Variants in FIGN observed in about 807,000 individuals in gnomAD.
The protein encoded by FIGN is fidgetin, microtubule severing factor, also known as fidgetin.
A neutral mutation model predicts 51.3 loss-of-function variants in FIGN; 11 were observed. That is an observed-to-expected ratio of 0.21 (90% confidence interval 0.13 to 0.35). FIGN has a LOEUF of 0.35. Among genes scored for constraint, FIGN ranks in the 10% least tolerant of loss-of-function variants. FIGN has a pLI of 1.00. For synonymous variants in FIGN, 407 were observed against 363.2 expected, an observed-to-expected ratio of 1.12 and a Z score of -1.37; for missense variants, 857 against 943.6, an observed-to-expected ratio of 0.91 and a Z score of 1.20.
intron 2 of FIGN, among the ~76,000 whole-genome samples, chr2:163,724,982 T>C (rs1480257656): frequency 6.6e-6 from 1 of 152,180 alleles, no homozygotes; most frequent in Non-Finnish European, 1.5e-5. Flanking sequence ...AAATTGCCAA[T>C]ATCATTCTGT....
At chr2:163,639,875 T>C (rs1683281150) in intron 2 of FIGN, among the ~76,000 whole-genome samples, 1 of 152,202 alleles carries the variant, frequency 6.6e-6, no homozygotes, top group Non-Finnish European at 1.5e-5. Flanking sequence ...TCTAATATTT[T>C]AAGTTTCTGT....
chr2:163,641,648 A>G (rs1683307681), intron 2 of FIGN, among the ~76,000 whole-genome samples: 2 of 152,384 alleles, frequency 1.3e-5, no homozygotes, highest in East Asian at 1.9e-4. Flanking sequence ...TCAGAGGCAA[A>G]TGAGTTAGAA....
intron 2 of FIGN, among the ~76,000 whole-genome samples, chr2:163,720,825 G>C (rs1461255126): frequency 6.6e-6 from 1 of 152,170 alleles, no homozygotes; most frequent in Admixed American, 6.5e-5. Context: ...TACCTATGTA[G>C]TTGTATTGGC....
intron 2 of FIGN, among the ~76,000 whole-genome samples, chr2:163,720,525 CAAT>C (rs1013002210): frequency 1.2e-4 from 18 of 152,122 alleles, no homozygotes; most frequent in Non-Finnish European, 1.3e-4. Context: ...CATCCATTTT[CAAT>C]TTTAGTTTTA....
rs924179373 is a variant in FIGN at position 163,691,452 on chromosome 2, A to C, written c.25+43451T>G. Among the ~76,000 whole-genome samples the C allele has an allele frequency of 2.6e-5, 4 of 152,232 alleles. No individual in the cohort carries two copies. The South Asian group carries it at 8.3e-4, about 32-fold the overall frequency. ...TCCTTCACTCATTTTTAACCAATCTAGTTCCAGGAGGCACCTGAGTTTGCC... is the reference window on the plus strand; with the variant it reads ...TCCTTCACTCATTTTTAACCAATCTCGTTCCAGGAGGCACCTGAGTTTGCC... On this transcript the variant is annotated intron_variant, in intron 2 of 2. Coordinates refer to ENST00000333129, the MANE Select transcript of FIGN (RefSeq NM_018086.4).
chr2:163,693,273 G>A (rs1214287587), intron 2 of FIGN, among the ~76,000 whole-genome samples: 1 of 152,118 alleles, frequency 6.6e-6, no homozygotes, highest in East Asian at 1.9e-4. Flanking sequence ...CTGTGTGTGT[G>A]TATTCAGTGG....
chr2:163,652,684 A>G (rs1683497042), intron 2 of FIGN, among the ~76,000 whole-genome samples: 1 of 152,138 alleles, frequency 6.6e-6, no homozygotes, highest in Admixed American at 6.5e-5. Context: ...TCCCACTCCT[A>G]TCTGTTGGGC....
rs962029287 is a variant in FIGN, at chr2:163,610,613, C to T, written c.1219G>A (p.Ala407Thr). Residue 407 changes from alanine to threonine, a missense_variant, in exon 3 of 3, where the codon GCT becomes ACT. By Grantham distance (58) the Ala-to-Thr change is moderately conservative. Transcript: ENST00000333129. ...RALTPPSYST[A>T]KNSLGSRSSE... Reference sequence around the variant, plus strand: ...GATCTTGATCCCAATGAATTTTTAGCAGTACTGTAGGAAGGAGGGGTCAGA... The same window carrying T: ...GATCTTGATCCCAATGAATTTTTAGTAGTACTGTAGGAAGGAGGGGTCAGA... 6.2e-7 allele frequency: 1 copy of T among 1,614,146 alleles called. No individual in the cohort carries two copies. The highest frequency in any genetic ancestry group is 8.5e-7 in the Non-Finnish European group (1 of 1,180,006).
At chr2:163,678,112 A>G (rs560161328) in intron 2 of FIGN, among the ~76,000 whole-genome samples, 1 of 152,340 alleles carries the variant, frequency 6.6e-6, no homozygotes, top group South Asian at 2.1e-4. Flanking sequence ...ATTGTCAACT[A>G]AAGTTAATAT....
chr2:163,689,221 G>A (rs1684201516), intron 2 of FIGN, among the ~76,000 whole-genome samples: 1 of 107,332 alleles, frequency 9.3e-6, no homozygotes, highest in African/African-American at 3.2e-5. Flanking sequence ...GAGAGAGTGA[G>A]ATTATGAGAG....
intron 2 of FIGN, among the ~76,000 whole-genome samples, chr2:163,683,334 G>C (rs538061986): frequency 3.3e-5 from 5 of 152,274 alleles, no homozygotes; most frequent in East Asian, 3.9e-4. Flanking sequence ...AAACAGTATA[G>C]GTTCTTAAGT....
chr2:163,610,690 T>G lies in FIGN; in HGVS notation c.1142A>C (p.Gln381Pro), dbSNP rs751095260. Reference protein sequence around the residue: ...TSSLAFKPTKQLMSSEQQRKF... With the variant: ...TSSLAFKPTKPLMSSEQQRKF... ...CCTTTGCTGTTCAGAGGACATTAGC[T>G]GCTTCGTTGGCTTAAATGCTAAGGA... Residue 381 changes from glutamine to proline, a missense_variant, in exon 3 of 3, where the codon CAG (glutamine) becomes CCG (proline). Around this residue, in one of 3 missense-constraint regions of FIGN, gnomAD observed 799 missense variants for 849.5 expected, o/e 0.94. Transcript: ENST00000333129. 1 of 1,614,208 alleles carries G rather than the reference T, an allele frequency of 6.2e-7. No homozygotes were observed. The highest frequency in any genetic ancestry group is 1.7e-5 in the Admixed American group (1 of 60,028).
At chr2:163,725,554 T>C (rs1225141615) in intron 2 of FIGN, among the ~76,000 whole-genome samples, 1 of 152,066 alleles carries the variant, frequency 6.6e-6, no homozygotes, top group Admixed American at 6.6e-5. Flanking sequence ...TTCAAGGAAC[T>C]ACCATTACAT....
At chr2:163,665,940 AATGTATTAT>A (rs1205568983) in intron 2 of FIGN, among the ~76,000 whole-genome samples, 1 of 152,186 alleles carries the variant, frequency 6.6e-6, no homozygotes, top group African/African-American at 2.4e-5. Context: ...GAGAACCCAG[AATGTATTAT>A]ATGATGAAAG....
intron 2 of FIGN, among the ~76,000 whole-genome samples, chr2:163,685,769 A>C (rs1684137300): frequency 6.6e-6 from 1 of 152,222 alleles, no homozygotes; most frequent in African/African-American, 2.4e-5. Flanking sequence ...TGGAGGAATA[A>C]CTAGGAAGCC....
chr2:163,646,800 C>A (rs1683389696), intron 2 of FIGN, among the ~76,000 whole-genome samples: 1 of 152,232 alleles, frequency 6.6e-6, no homozygotes, highest in African/African-American at 2.4e-5. Context: ...ACACATCTCA[C>A]TTTCTCCATT....
intron 2 of FIGN, among the ~76,000 whole-genome samples, chr2:163,625,358 A>G (rs11902715): frequency 0.27 from 40,331 of 151,966 alleles, 5,772 homozygotes; most frequent in African/African-American, 0.31. Context: ...ATTTTTCATA[A>G]TAGCAGATAT....
chr2:163,653,691 G>A (rs1683512715), intron 2 of FIGN, among the ~76,000 whole-genome samples: 1 of 151,986 alleles, frequency 6.6e-6, no homozygotes, highest in South Asian at 2.1e-4. Flanking sequence ...AAATATTTAT[G>A]TGATCTTAAT....
At chr2:163,717,155 C>T (rs1333620838) in intron 2 of FIGN, among the ~76,000 whole-genome samples, 3 of 152,114 alleles carry the variant, frequency 2.0e-5, no homozygotes, top group African/African-American at 4.8e-5. Context: ...TTTCTACCTC[C>T]GCCCCTGGAC....
Sources: gnomAD v4.1 joint callset for allele counts (sites outside exome capture counted in the v4.1 genomes callset) on GRCh38, gnomAD v4.1.1 for gene constraint, gnomAD v4.1.1 regional missense constraint, MANE v1.5 for transcripts, NCBI Gene and HGNC (gene_info 2026-07-23, HGNC 2026-07-21) for gene names.